The following ASPH variants were observed in gnomAD, a reference collection of about 807,000 sequenced individuals.
ASPH encodes aspartate beta-hydroxylase, also known as aspartyl/asparaginyl beta-hydroxylase.
In ASPH, 100 loss-of-function variants were observed where a neutral mutation model predicts 118.4. The ratio of observed to expected loss-of-function variants is 0.84; its 90% CI spans 0.72 to 1.00. The LOEUF (loss-of-function observed/expected upper bound fraction) is 1.00, where lower values mean the gene tolerates loss of function less well. ASPH is among the 50% of genes least tolerant of loss of function. The probability of loss-of-function intolerance (pLI) is 0.00; values close to 1 mark genes in which losing one functional copy is unlikely to be tolerated. For synonymous variants in ASPH, 315 were observed against 325.6 expected (o/e 0.97, Z 0.35); for missense variants, 920 against 919.5 (o/e 1.00, Z -0.01).
At position 61,553,751 on chromosome 8, in the gene ASPH, C is replaced by T. The variant is rs549193618; in HGVS notation, c.1537-631G>A. 1.2e-4 allele frequency among the ~76,000 whole-genome samples: 19 copies of T among 152,222 alleles called. No homozygotes were observed. The South Asian group carries it at 3.9e-3, about 32-fold the overall frequency. Reference sequence around the variant, plus strand: ...GACTGAAATTGAGATTGATGAACCCCATTCCCGTCCCCACAAAGAGAAAAG... The same window carrying T: ...GACTGAAATTGAGATTGATGAACCCTATTCCCGTCCCCACAAAGAGAAAAG... On this transcript the variant is annotated intron_variant, in intron 19 of 24. Transcript: ENST00000379454.
Position 61,663,071 on chromosome 8 carries a change from T to C in ASPH, c.323-9411A>G, listed in dbSNP as rs373464566. 3 of 985,292 alleles carry C rather than the reference T, an allele frequency of 3.0e-6. No homozygotes were observed. The Admixed American group carries it at 1.8e-4, about 61-fold the overall frequency. 61.0% of individuals were successfully genotyped at this position (985,292 alleles called of 1,614,324 possible). On this transcript the variant is annotated intron_variant, in intron 3 of 24. Transcript: ENST00000379454. ...AAGACAGCACTTAAAATTTTGTACA[T>C]AAGTTTTAAAAAAACATTCCATTTA...
rs201440520 is a variant in ASPH at position 61,686,644 on chromosome 8, C to CA, written c.104-2457dup. The stretch of plus-strand genomic sequence containing the variant: ...CATTTGCGTACAACACTAAGTTTAA[C>CA]AAAAATACTACCTTCCAAAATATCC... On this transcript the variant is annotated intron_variant, in intron 1 of 24. Transcript: ENST00000379454. 9.2e-3 allele frequency among the ~76,000 whole-genome samples: 1,394 copies of CA among 152,214 alleles called. 9 individuals are homozygous for CA. The highest frequency in any genetic ancestry group is 0.014 in the Admixed American group (220 of 15,290).
At chr8:61,668,576 TCTA>T (rs2151405880) in intron 3 of ASPH, among the ~76,000 whole-genome samples, 1 of 152,334 alleles carries the variant, frequency 6.6e-6, no homozygotes, top group Admixed American at 6.5e-5. Context: ...AATTGCATTT[TCTA>T]CTCAGTGGTA....
At chr8:61,581,983 G>A (rs906451927) in intron 15 of ASPH, among the ~76,000 whole-genome samples, 3 of 152,200 alleles carry the variant, frequency 2.0e-5, no homozygotes, top group African/African-American at 4.8e-5. Flanking sequence ...TGAGCCTAAG[G>A]CATGAACTGA....
chr8:61,607,926 C>A (rs1022744136), intron 14 of ASPH, among the ~76,000 whole-genome samples: 3 of 152,184 alleles, frequency 2.0e-5, no homozygotes, highest in African/African-American at 7.2e-5. Context: ...AGTGTCTACT[C>A]TCAGCTGCTG....
intron 1 of ASPH, chr8:61,689,568 C>A: frequency 1.7e-6 from 2 of 1,172,416 alleles, no homozygotes; most frequent in South Asian, 2.9e-5. Flanking sequence ...ACAGTACAGT[C>A]AAAGCACTTA....
At chr8:61,611,815 A>G (rs1282182784) in intron 14 of ASPH, among the ~76,000 whole-genome samples, 1 of 152,220 alleles carries the variant, frequency 6.6e-6, no homozygotes, top group Non-Finnish European at 1.5e-5. Context: ...AAAGCCAAAA[A>G]TCCTGAGCAG....
intron 16 of ASPH, among the ~76,000 whole-genome samples, chr8:61,575,551 C>T (rs932458138): frequency 6.6e-6 from 1 of 152,288 alleles, no homozygotes; most frequent in East Asian, 1.9e-4. Flanking sequence ...CTACTGATGG[C>T]TGTATCTCTA....
At chr8:61,677,934 G>A (rs1162814271) in intron 3 of ASPH, among the ~76,000 whole-genome samples, 1 of 152,140 alleles carries the variant, frequency 6.6e-6, no homozygotes, top group African/African-American at 2.4e-5. Flanking sequence ...ACCCAGCCAA[G>A]CAACCTTCCT....
intron 14 of ASPH, among the ~76,000 whole-genome samples, chr8:61,601,637 C>T (rs1844028908): frequency 6.7e-6 from 1 of 148,982 alleles, no homozygotes; most frequent in Admixed American, 6.7e-5. Flanking sequence ...GATCAAGGTA[C>T]ATATTGATAA....
intron 3 of ASPH, chr8:61,664,799 A>G: frequency 1.0e-6 from 1 of 988,034 alleles, no homozygotes; most frequent in Non-Finnish European, 1.2e-6. Flanking sequence ...GGTGTCCACG[A>G]AAGAGAAAAA....
At chr8:61,645,199 G>C (rs1588575597) in intron 6 of ASPH, among the ~76,000 whole-genome samples, 1 of 152,032 alleles carries the variant, frequency 6.6e-6, no homozygotes, top group African/African-American at 2.4e-5. Context: ...ATTTTCTGAA[G>C]ACTTTTAACA....
intron 17 of ASPH, among the ~76,000 whole-genome samples, chr8:61,563,861 C>T (rs143378699): frequency 8.5e-5 from 13 of 152,342 alleles, no homozygotes; most frequent in African/African-American, 2.9e-4. Flanking sequence ...CAGCCATCTG[C>T]TCCCCATCCC....
rs375532343 is a variant in ASPH, at chr8:61,714,387, G to A, written c.-16C>T. 76 of 1,480,138 alleles carry A rather than the reference G, an allele frequency of 5.1e-5. No individual in the cohort carries two copies. Among genetic ancestry groups the A allele is most frequent in the East Asian group, 4.6e-4 (16 of 35,072 alleles). The allele number at this position is 1,480,138 out of a possible 1,614,324, so 91.7% of individuals were successfully genotyped here. On this transcript the variant is annotated 5_prime_UTR_variant, in exon 1 of 25. Coordinates refer to ENST00000379454, the MANE Select transcript of ASPH (RefSeq NM_004318.4). ...GCTGGGCCATTGCACGGTCCGCGGG[G>A]GCTGGTGAGGGCTGGCGGACCTCCT...
In ASPH at chr8:61,500,913, ATAT is replaced by A. The variant is rs878865237; in HGVS notation, c.*2443_*2445del. 2 of 152,220 alleles carry A rather than the reference ATAT, an allele frequency of 1.3e-5. No individual in the cohort carries two copies. The highest frequency in any genetic ancestry group is 4.8e-5 in the African/African-American group (2 of 41,456). The allele number at this position is 152,220 out of a possible 1,614,324, so 9.4% of individuals were successfully genotyped here. On this transcript the variant is annotated 3_prime_UTR_variant, in exon 25 of 25. Coordinates refer to ENST00000379454, the MANE Select transcript of ASPH (RefSeq NM_004318.4). ...CAACTGGTCATAATCACCCCTGATA[ATAT>A]TATTACTAATCTTAATTATTTATTA...
At chr8:61,561,885 T>C (rs547930111) in intron 18 of ASPH, among the ~76,000 whole-genome samples, 2 of 152,280 alleles carry the variant, frequency 1.3e-5, no homozygotes, top group South Asian at 4.2e-4. Flanking sequence ...CTATATCATG[T>C]CATTACACTC....
At chr8:61,643,274 G>A in intron 9 of ASPH, 112 bp downstream of exon 9, 1 of 1,044,756 alleles carries the variant, frequency 9.6e-7, no homozygotes, top group Non-Finnish European at 1.4e-6. Context: ...TGCATTAGAT[G>A]TCGAAATTAC....
intron 19 of ASPH, among the ~76,000 whole-genome samples, chr8:61,555,133 T>G (rs927441523): frequency 1.3e-5 from 2 of 152,210 alleles, no homozygotes; most frequent in African/African-American, 4.8e-5. Context: ...TTTTGAGCAA[T>G]GACCTTTTCA....
At chr8:61,538,456 C>T (rs1199397453) in intron 21 of ASPH, among the ~76,000 whole-genome samples, 2 of 152,062 alleles carry the variant, frequency 1.3e-5, no homozygotes, top group African/African-American at 4.8e-5. Flanking sequence ...ATTATTAATC[C>T]TCTTAATTTA....
Sources: gnomAD v4.1 joint callset for allele counts (sites outside exome capture counted in the v4.1 genomes callset) on GRCh38, gnomAD v4.1.1 for gene constraint, MANE v1.5 for transcripts, NCBI Gene and HGNC (gene_info 2026-07-23, HGNC 2026-07-21) for gene names.